Variants in TP53BP1 observed in about 807,000 individuals in gnomAD.
TP53BP1 encodes tumor protein p53 binding protein 1.
TP53BP1 carries 61 observed loss-of-function variants against 200.8 expected under a neutral mutation model. The observed-to-expected ratio is 0.30, with a 90% CI of 0.25 to 0.38. The LOEUF (loss-of-function observed/expected upper bound fraction) is 0.38. Ranked by LOEUF, TP53BP1 falls within the 10% of genes least tolerant of loss-of-function variation. TP53BP1 has a pLI of 1.00. For missense variants in TP53BP1, 2,144 were observed against 2,371.9 expected, an observed-to-expected ratio of 0.90 and a Z score of 2.00; for synonymous variants, 822 against 844.3, an observed-to-expected ratio of 0.97 and a Z score of 0.46.
rs2044869060 is a variant in TP53BP1, at chr15:43,406,180, A to G, written c.*1203T>C. 6.4e-6 allele frequency: 1 copy of G among 155,056 alleles called. No homozygotes were observed. Among genetic ancestry groups the G allele is most frequent in the Non-Finnish European group, 1.4e-5 (1 of 69,884 alleles). 9.6% of individuals were successfully genotyped at this position (155,056 alleles called of 1,614,324 possible). A position where few individuals can be genotyped will look rare whatever the true frequency, so the allele number is the denominator to read the frequency against. ...CATCTTACACAAACCATAGGGGTTG[A>G]AGTTATCTTAATATGGCCCAGCCAT... On this transcript the variant is annotated 3_prime_UTR_variant, in exon 28 of 28. Transcript: ENST00000382044.
chr15:43,428,509 C>T (rs2045601163), intron 17 of TP53BP1, among the ~76,000 whole-genome samples: 2 of 152,142 alleles, frequency 1.3e-5, no homozygotes, highest in South Asian at 4.1e-4. Context: ...AATTCTGATG[C>T]TATCTTGCAA....
intron 13 of TP53BP1, chr15:43,447,113 C>G (rs913205471): frequency 3.4e-5 from 16 of 473,670 alleles, no homozygotes; most frequent in Non-Finnish European, 5.8e-5. Context: ...TACTGCCTTG[C>G]AAGTAATAAG....
chr15:43,421,825 G>GCT (rs749317244), intron 19 of TP53BP1, 30 bp downstream of exon 19: 5 of 1,608,882 alleles, frequency 3.1e-6, no homozygotes, highest in East Asian at 2.2e-5. Context: ...CCCTGCTGTG[G>GCT]CTCTCTCTCT....
At chr15:43,471,806 T>C (rs915067363) in intron 10 of TP53BP1, among the ~76,000 whole-genome samples, 1 of 152,224 alleles carries the variant, frequency 6.6e-6, no homozygotes, top group Non-Finnish European at 1.5e-5. Flanking sequence ...AGAAACTGTT[T>C]TAAGAATTAA....
Position 43,446,441 on chromosome 15 carries a change from G to C in TP53BP1, c.2986C>G (p.Leu996Val). ...CTCGCCTCAGTCTCAGGACTAACCA[G>C]TTTCATTCTTAGACATAATTTATCA... ...VDDKLCLRMKLVSPETEASEE... is the reference protein window; with the variant it reads ...VDDKLCLRMKVVSPETEASEE... The change falls in exon 14 of 28, where the codon CTG becomes GTG. Residue 996 changes from leucine (L) to valine (V), a missense_variant. By Grantham distance (32) the Leu-to-Val change is conservative. This residue lies in a region of TP53BP1 where 1,700 missense variants were observed against 1,710.3 expected (regional missense o/e 0.99). Coordinates refer to ENST00000382044, the MANE Select transcript of TP53BP1 (RefSeq NM_001141980.3). 1 of 1,614,156 alleles carries C rather than the reference G, an allele frequency of 6.2e-7. No homozygotes were observed. The highest frequency in any genetic ancestry group is 8.5e-7 in the Non-Finnish European group (1 of 1,180,030).
chr15:43,446,593 G>A lies in TP53BP1; in HGVS notation c.2837-3C>T. ...GCTTTCTGGATAGTTGCTAATACCT[G>A]AAAGAAGTGAGGCAGGGAGGAAGAA... is the stretch of plus-strand genomic sequence containing the variant. On this transcript the variant is annotated splice_polypyrimidine_tract_variant and splice_region_variant and intron_variant, in intron 13 of 27. Transcript: ENST00000382044. 1 of 1,610,550 alleles carries A rather than the reference G, an allele frequency of 6.2e-7. No individual in the cohort carries two copies. The highest frequency in any genetic ancestry group is 1.1e-5 in the South Asian group (1 of 90,566).
intron 11 of TP53BP1, among the ~76,000 whole-genome samples, chr15:43,461,718 A>C (rs2046437648): frequency 6.6e-6 from 1 of 151,266 alleles, no homozygotes; most frequent in Admixed American, 6.6e-5. Context: ...ACCCAGGCTG[A>C]AGTGCAGTGG....
chr15:43,430,788 A>T (rs2045651102), intron 17 of TP53BP1, among the ~76,000 whole-genome samples: 1 of 152,248 alleles, frequency 6.6e-6, no homozygotes, highest in South Asian at 2.1e-4. Context: ...AATAACTAAT[A>T]ATAAGATAAA....
At chr15:43,498,057 G>T (rs2079191079), upstream of TP53BP1, among the ~76,000 whole-genome samples, 1 of 152,070 alleles carries the variant, frequency 6.6e-6, no homozygotes, top group African/African-American at 2.4e-5. Context: ...GGCATGTGAG[G>T]TGCTTGGAAA....
At chr15:43,451,662 T>C (rs2046174160) in intron 12 of TP53BP1, among the ~76,000 whole-genome samples, 1 of 152,216 alleles carries the variant, frequency 6.6e-6, no homozygotes, top group African/African-American at 2.4e-5. Context: ...CATGTGTTTT[T>C]ATAGCAGCAT....
chr15:43,404,474 T>G lies in TP53BP1; in HGVS notation c.*2909A>C. 1.2e-6 allele frequency: 2 copies of G among 1,614,162 alleles called. No individual in the cohort carries two copies. The highest frequency in any genetic ancestry group is 1.7e-6 in the Non-Finnish European group (2 of 1,180,022). The stretch of plus-strand genomic sequence containing the variant: ...CTCTCCAGTGTTCGGAATCATCAGA[T>G]CAACTCAGATTTGGCTCAACTACTG... On this transcript the variant is annotated 3_prime_UTR_variant, in exon 28 of 28. Transcript: ENST00000382044.
intron 25 of TP53BP1, 24 bp from the exon 26 acceptor site, chr15:43,409,120 A>G (rs1045525591): frequency 1.9e-6 from 3 of 1,611,864 alleles, no homozygotes; most frequent in Middle Eastern, 1.6e-4. Flanking sequence ...AGCAGAGCCA[A>G]TGGGTTTGGT....
Position 43,492,048 on chromosome 15 carries a change from G to A in TP53BP1, c.240C>T (p.Asp80=), listed in dbSNP as rs772333635. The A allele has an allele frequency of 4.3e-5, 69 of 1,613,742 alleles. No individual in the cohort carries two copies. The highest frequency in any genetic ancestry group is 6.7e-5 in the East Asian group (3 of 44,876). ...AATGTTCATTGAACCCACTATTACCGTCTCCTCGTTCTTCTCCAGCTGTTT... is the reference window on the plus strand; with the variant it reads ...AATGTTCATTGAACCCACTATTACCATCTCCTCGTTCTTCTCCAGCTGTTT... The part of the protein sequence containing the change: ...PEQTAGEERG[D]GNSGFNEHLK... The change falls in exon 3 of 28, where the codon GAC becomes GAT. Residue 80 remains aspartate, a synonymous_variant. Transcript: ENST00000382044.
At chr15:43,448,159 C>T (rs1050541292) in intron 12 of TP53BP1, among the ~76,000 whole-genome samples, 1 of 152,120 alleles carries the variant, frequency 6.6e-6, no homozygotes, top group African/African-American at 2.4e-5. Flanking sequence ...CACCAGTGTA[C>T]ACATTTTAGT....
chr15:43,476,236 G>A (rs1189102571), intron 8 of TP53BP1, among the ~76,000 whole-genome samples: 1 of 152,154 alleles, frequency 6.6e-6, no homozygotes, highest in Non-Finnish European at 1.5e-5. Context: ...CTGCACTCCA[G>A]CCTGGGCAAC....
intron 11 of TP53BP1, among the ~76,000 whole-genome samples, chr15:43,457,825 C>G (rs2046337730): frequency 6.6e-6 from 1 of 151,880 alleles, no homozygotes; most frequent in South Asian, 2.1e-4. Context: ...TCAAGACCAG[C>G]CTGGCCAACA....
At chr15:43,454,549 G>T (rs2046249765) in intron 12 of TP53BP1, among the ~76,000 whole-genome samples, 1 of 151,692 alleles carries the variant, frequency 6.6e-6, no homozygotes, top group Non-Finnish European at 1.5e-5. Context: ...TTTTGGTAAA[G>T]ACAGGGTTTC....
In TP53BP1 at chr15:43,407,365, C is replaced by G. The variant is rs760060223; in HGVS notation, c.*18G>C. On this transcript the variant is annotated 3_prime_UTR_variant, in exon 28 of 28. Transcript: ENST00000382044. ...TCTCCACGATAGCAGGGAATAAAAC[C>G]AGTAAGACCAAGTATCTTTAGTGAG... The G allele has an allele frequency of 6.2e-7, 1 of 1,611,632 alleles. No individual in the cohort carries two copies. Among genetic ancestry groups the G allele is most frequent in the Admixed American group, 1.7e-5 (1 of 59,978 alleles).
intron 23 of TP53BP1, among the ~76,000 whole-genome samples, chr15:43,413,831 C>A (rs1404249118): frequency 6.6e-6 from 1 of 151,584 alleles, no homozygotes; most frequent in East Asian, 1.9e-4. Flanking sequence ...AGAAATGCCC[C>A]TTGTAGATAG....
Sources: allele counts gnomAD v4.1 joint callset (sites outside exome capture counted in the v4.1 genomes callset), GRCh38; gene constraint gnomAD v4.1.1; regional missense constraint gnomAD v4.1.1; transcripts MANE v1.5; gene names NCBI Gene and HGNC (gene_info 2026-07-23, HGNC 2026-07-21).